Variants in MYOM2 observed in about 807,000 individuals in gnomAD.
The protein encoded by MYOM2 is myomesin-2.
A neutral mutation model predicts 187.6 loss-of-function variants in MYOM2; 254 were observed. The observed-to-expected ratio is 1.35, with a 90% CI of 1.22 to 1.50. The LOEUF (loss-of-function observed/expected upper bound fraction) is 1.50, where lower values mean the gene tolerates loss of function less well. MYOM2 is among the 40% of genes most tolerant of loss of function. MYOM2 has a pLI of 0.00. For synonymous variants in MYOM2, 981 were observed against 753.8 expected, an observed-to-expected ratio of 1.30 and a Z score of -4.94; for missense variants, 2,796 against 1,924.0, an observed-to-expected ratio of 1.45 and a Z score of -8.48.
intron 8 of MYOM2, among the ~76,000 whole-genome samples, chr8:2,070,731 A>G (rs568266404): frequency 6.6e-6 from 1 of 152,368 alleles, no homozygotes; most frequent in East Asian, 1.9e-4. Context: ...GACAGAGGGA[A>G]ATATCTTGCT....
intron 32 of MYOM2, among the ~76,000 whole-genome samples, chr8:2,135,560 T>C (rs150910697): frequency 6.6e-6 from 1 of 151,988 alleles, no homozygotes; most frequent in Non-Finnish European, 1.5e-5. Context: ...CCCGTCACAG[T>C]TGACCATCCT....
intron 32 of MYOM2, among the ~76,000 whole-genome samples, chr8:2,133,052 C>T (rs1401394671): frequency 1.3e-5 from 2 of 152,174 alleles, no homozygotes; most frequent in Non-Finnish European, 2.9e-5. Context: ...TGGCCTGTGA[C>T]AGCTGCAGGG....
At chr8:2,111,703 C>T (rs796614954) in intron 25 of MYOM2, among the ~76,000 whole-genome samples, 11 of 152,276 alleles carry the variant, frequency 7.2e-5, no homozygotes, top group African/African-American at 2.6e-4. Context: ...CGTCAGTCTC[C>T]AGGGACGGGG....
At chr8:2,140,333 A>T (rs1325207802) in intron 32 of MYOM2, among the ~76,000 whole-genome samples, 1 of 151,852 alleles carries the variant, frequency 6.6e-6, no homozygotes, top group Non-Finnish European at 1.5e-5. Context: ...CGATACTACG[A>T]AGGATGTAGG....
At chr8:2,086,281 C>T (rs1374452322) in intron 14 of MYOM2, among the ~76,000 whole-genome samples, 1 of 130,062 alleles carries the variant, frequency 7.7e-6, no homozygotes, top group Non-Finnish European at 1.7e-5. Context: ...CTCTGGCACC[C>T]CACTGTCGTG....
At chr8:2,079,355 A>T (rs531471270) in intron 12 of MYOM2, among the ~76,000 whole-genome samples, 7 of 152,140 alleles carry the variant, frequency 4.6e-5, no homozygotes, top group African/African-American at 1.7e-4. Flanking sequence ...TTCCTTACGC[A>T]CATGGTCCTT....
chr8:2,072,986 G>A (rs1158546508), intron 9 of MYOM2, among the ~76,000 whole-genome samples: 1 of 152,204 alleles, frequency 6.6e-6, no homozygotes, highest in Non-Finnish European at 1.5e-5. Context: ...GCACACCCCT[G>A]TAATCCCCCA....
chr8:2,141,410 G>A (rs552251253), intron 34 of MYOM2, among the ~76,000 whole-genome samples: 3 of 152,168 alleles, frequency 2.0e-5, no homozygotes, highest in South Asian at 2.1e-4. Context: ...GATGAATTTC[G>A]GAAATCATTA....
rs141503309 is a variant in MYOM2, at chr8:2,053,564, G to T, written c.263+1251G>T. Among the ~76,000 whole-genome samples the T allele has an allele frequency of 6.2e-3, 938 of 152,342 alleles. 7 individuals carry two copies. Among genetic ancestry groups the T allele is most frequent in the Non-Finnish European group, 9.0e-3 (613 of 68,028 alleles). On this transcript the variant is annotated intron_variant, in intron 3 of 36. Coordinates refer to ENST00000262113, the MANE Select transcript of MYOM2 (RefSeq NM_003970.4). ...ATGGTAACAGTGAGTGGCTTACTGT[G>T]ATTCATATGGTTTTGGCAGCAATGA...
At chr8:2,077,806 G>C (rs1046108941) in intron 11 of MYOM2, among the ~76,000 whole-genome samples, 4 of 152,332 alleles carry the variant, frequency 2.6e-5, no homozygotes, top group African/African-American at 9.6e-5. Context: ...TTTGGAAGTG[G>C]GGGGTGCAGC....
intron 32 of MYOM2, among the ~76,000 whole-genome samples, chr8:2,138,176 G>A (rs964046329): frequency 1.3e-5 from 2 of 152,200 alleles, no homozygotes; most frequent in Admixed American, 6.5e-5. Flanking sequence ...GACACACCAC[G>A]GATGGAGACT....
rs1305854216 is a variant in MYOM2, at chr8:2,096,173, C to G, written c.2126-74C>G. ...GTTGCTTCCTCCTCCCTCTGCCACA[C>G]TGGAGCTGGCTGCCCCGGGGACAAA... On this transcript the variant is annotated intron_variant, in intron 17 of 36. Transcript: ENST00000262113. 2.0e-6 allele frequency: 3 copies of G among 1,474,522 alleles called. No individual in the cohort carries two copies. In the African/African-American group the frequency reaches 4.2e-5, roughly 21 times the overall value. The allele number at this position is 1,474,522 out of a possible 1,614,324, so 91.3% of individuals were successfully genotyped here.
At position 2,109,443 on chromosome 8, in the gene MYOM2, G is replaced by A. The variant is rs370717749; in HGVS notation, c.3092G>A (p.Arg1031Gln). 1.2e-5 allele frequency: 20 copies of A among 1,612,634 alleles called. No individual in the cohort carries two copies. Among genetic ancestry groups the A allele is most frequent in the African/African-American group, 8.0e-5 (6 of 74,916 alleles). Residue 1031 changes from arginine (R) to glutamine (Q), a missense_variant, in exon 25 of 37, where the codon CGG (arginine) becomes CAG (glutamine). By Grantham distance (43) the Arg-to-Gln change is conservative (BLOSUM62 1). Transcript: ENST00000262113. The part of the protein sequence containing the change: ...ELAYEIFDKG[R>Q]VRFWLQAEHL... The stretch of plus-strand genomic sequence containing the variant: ...GCTTATGAGATTTTTGATAAGGGGC[G>A]GGTTCGCTTCTGGCTCCAGGCTGAG...
At chr8:2,071,231 G>A (rs568026317) in intron 8 of MYOM2, among the ~76,000 whole-genome samples, 43 of 152,054 alleles carry the variant, frequency 2.8e-4, no homozygotes, top group Admixed American at 7.2e-4. Context: ...CTGGGCTCAA[G>A]TGATTCTCCC....
Position 2,145,242 on chromosome 8 carries a change from CA to C in MYOM2, c.*262del. On this transcript the variant is annotated 3_prime_UTR_variant, in exon 37 of 37. Transcript: ENST00000262113. ...AGATGCCTGACAGAGAGTGGGTTGG[CA>C]GACAACACACTAGAATTTTCACGGG... 1.8e-6 allele frequency: 1 copy of C among 561,980 alleles called. No homozygotes were observed. The highest frequency in any genetic ancestry group is 3.5e-5 in the Admixed American group (1 of 28,484). The allele number at this position is 561,980 out of a possible 1,614,324, so 34.8% of individuals were successfully genotyped here.
chr8:2,080,957 G>A (rs1819602513), intron 13 of MYOM2, among the ~76,000 whole-genome samples: 1 of 127,474 alleles, frequency 7.8e-6, no homozygotes, highest in African/African-American at 3.0e-5. Flanking sequence ...TGCAGAATGA[G>A]GTTTGGTTCT....
chr8:2,115,855 A>G, intron 25 of MYOM2, 105 bp from the exon 26 acceptor site: 1 of 1,308,978 alleles, frequency 7.6e-7, no homozygotes, highest in Non-Finnish European at 1.1e-6. Flanking sequence ...TCTTCCTATC[A>G]TAATCCCTTG....
At chr8:2,130,438 C>T (rs780761333) in intron 32 of MYOM2, among the ~76,000 whole-genome samples, 15 of 151,962 alleles carry the variant, frequency 9.9e-5, no homozygotes, top group Admixed American at 3.3e-4. Context: ...ATACCCAGGG[C>T]GCCCACACCC....
At position 2,123,408 on chromosome 8, in the gene MYOM2, C is replaced by T. The variant is rs760119139; in HGVS notation, c.3567+43C>T. ...ACACAAGAAAGCAAAACAAAAACGGCACTTTCAAATAACTCGTAAATTCTA... is the reference window on the plus strand; with the variant it reads ...ACACAAGAAAGCAAAACAAAAACGGTACTTTCAAATAACTCGTAAATTCTA... On this transcript the variant is annotated intron_variant, in intron 29 of 36. Transcript: ENST00000262113. 5.9e-6 allele frequency: 9 copies of T among 1,523,494 alleles called. No individual in the cohort carries two copies. The Admixed American group carries it at 1.6e-4, about 27-fold the overall frequency. The allele number at this position is 1,523,494 out of a possible 1,614,324, so 94.4% of individuals were successfully genotyped here.
Sources: allele counts gnomAD v4.1 joint callset (sites outside exome capture counted in the v4.1 genomes callset), GRCh38; gene constraint gnomAD v4.1.1; transcripts MANE v1.5; gene names NCBI Gene and HGNC (gene_info 2026-07-23, HGNC 2026-07-21).